The following PCCA variants were observed in gnomAD, a reference collection of about 807,000 sequenced individuals.
PCCA encodes the protein propionyl-CoA carboxylase alpha chain, mitochondrial.
In PCCA, 74 loss-of-function variants were observed where a neutral mutation model predicts 101.3. The ratio of observed to expected loss-of-function variants is 0.73; its 90% CI spans 0.61 to 0.89. PCCA has a LOEUF of 0.89. Ranked by LOEUF, PCCA falls within the 40% of genes least tolerant of loss-of-function variation. PCCA has a pLI of 0.00. For missense variants in PCCA, 891 were observed against 907.0 expected (o/e 0.98, Z 0.23); for synonymous variants, 294 against 313.6 (o/e 0.94, Z 0.66).
intron 20 of PCCA, among the ~76,000 whole-genome samples, chr13:100,434,452 G>A (rs1406588193): frequency 6.6e-6 from 1 of 152,176 alleles, no homozygotes; most frequent in Admixed American, 6.5e-5. Flanking sequence ...AGAAGAGCAT[G>A]GCAGGAAGAA....
chr13:100,278,838 T>C (rs2063861472), intron 12 of PCCA, among the ~76,000 whole-genome samples: 1 of 152,184 alleles, frequency 6.6e-6, no homozygotes, highest in Admixed American at 6.5e-5. Flanking sequence ...TAAGTACCTA[T>C]GTTTTGTGTA....
chr13:100,463,709 C>A (rs998138122), intron 21 of PCCA, among the ~76,000 whole-genome samples: 1 of 152,292 alleles, frequency 6.6e-6, no homozygotes, highest in South Asian at 2.1e-4. Flanking sequence ...AGTAGATGAA[C>A]CTGCCAAAGG....
intron 2 of PCCA, among the ~76,000 whole-genome samples, chr13:100,108,548 T>C (rs2048020531): frequency 6.6e-6 from 1 of 152,188 alleles, no homozygotes; most frequent in African/African-American, 2.4e-5. Flanking sequence ...AGTTGCTTAG[T>C]GCTACCCTCT....
At chr13:100,251,867 A>G (rs1357484422) in intron 8 of PCCA, among the ~76,000 whole-genome samples, 3 of 152,234 alleles carry the variant, frequency 2.0e-5, no homozygotes, top group African/African-American at 4.8e-5. Flanking sequence ...ATAATCAGGT[A>G]TATTCAAATT....
intron 7 of PCCA, among the ~76,000 whole-genome samples, chr13:100,231,633 G>A (rs2060477392): frequency 1.3e-5 from 2 of 152,186 alleles, no homozygotes; most frequent in Non-Finnish European, 2.9e-5. Context: ...TATGAAGTAT[G>A]AAATTATGAT....
chr13:100,155,170 AAAAT>A (rs2053751222), intron 5 of PCCA, 78 bp downstream of exon 5: 1 of 968,898 alleles, frequency 1.0e-6, no homozygotes, highest in African/African-American at 1.6e-5. Flanking sequence ...TTTAAAAAAA[AAAAT>A]AGGAAAGAAT....
chr13:100,482,882 C>T (rs1376036690), intron 21 of PCCA, among the ~76,000 whole-genome samples: 2 of 152,204 alleles, frequency 1.3e-5, no homozygotes, highest in African/African-American at 4.8e-5. Context: ...GTCGTGGGCA[C>T]AAGTTGATTT....
chr13:100,408,117 A>G (rs2152865072), intron 19 of PCCA, among the ~76,000 whole-genome samples: 1 of 152,306 alleles, frequency 6.6e-6, no homozygotes, highest in South Asian at 2.1e-4. Flanking sequence ...GCACGACTGC[A>G]CTCCAGCCTG....
At chr13:100,318,659 A>G (rs1490353639) in intron 16 of PCCA, among the ~76,000 whole-genome samples, 2 of 151,710 alleles carry the variant, frequency 1.3e-5, no homozygotes, top group African/African-American at 4.8e-5. Flanking sequence ...AAGGACATGA[A>G]CTCATCATTT....
At position 100,484,869 on chromosome 13, in the gene PCCA, A is replaced by C. The variant is rs58759455; in HGVS notation, c.1900-30558A>C. Among the ~76,000 whole-genome samples, 1,354 of 152,272 alleles carry C rather than the reference A, an allele frequency of 8.9e-3. 19 individuals are homozygous for C. The highest frequency in any genetic ancestry group is 0.031 in the African/African-American group (1,282 of 41,550). On this transcript the variant is annotated intron_variant, in intron 21 of 23. Coordinates refer to ENST00000376285, the MANE Select transcript of PCCA (RefSeq NM_000282.4). ...CACCTCGGTAGGAGCCACTGCTGTG[A>C]ACTCTTTTGCAAGTTCTGGTGGTGA... is the stretch of plus-strand genomic sequence containing the variant.
chr13:100,301,631 A>C (rs1408396555), intron 13 of PCCA, 28 bp downstream of exon 13: 1 of 1,613,544 alleles, frequency 6.2e-7, no homozygotes, highest in East Asian at 2.2e-5. Context: ...GGGAGGAAGG[A>C]TGGTGGTTAT....
At chr13:100,309,729 A>G (rs1050615692) in intron 15 of PCCA, 104 bp from the exon 16 acceptor site, 3 of 745,584 alleles carry the variant, frequency 4.0e-6, no homozygotes, top group Non-Finnish European at 6.6e-6. Context: ...TTCGAGATAT[A>G]TTTAGAAATC....
chr13:100,327,361 A>G (rs142909719), intron 16 of PCCA, among the ~76,000 whole-genome samples: 2,128 of 152,252 alleles, frequency 0.014, 46 homozygotes, highest in African/African-American at 0.049. Flanking sequence ...TTAACTCAGC[A>G]TAATTATTTT....
intron 16 of PCCA, 94 bp from the exon 17 acceptor site, chr13:100,330,467 G>T: frequency 1.3e-6 from 1 of 768,036 alleles, no homozygotes; most frequent in South Asian, 1.4e-5. Context: ...TTTCTGCTAG[G>T]TCATAGAACA....
At chr13:100,139,090 C>A (rs1385165801) in intron 4 of PCCA, among the ~76,000 whole-genome samples, 1 of 151,950 alleles carries the variant, frequency 6.6e-6, no homozygotes, top group South Asian at 2.1e-4. Context: ...GTCTTTGTGG[C>A]TTCTGATGTG....
At chr13:100,406,523 G>A (rs141503361) in intron 19 of PCCA, among the ~76,000 whole-genome samples, 197 of 152,270 alleles carry the variant, frequency 1.3e-3, no homozygotes, top group African/African-American at 4.4e-3. Flanking sequence ...TGACCAACAC[G>A]GAGAAACCCC....
intron 11 of PCCA, among the ~76,000 whole-genome samples, chr13:100,269,027 T>A (rs2063129710): frequency 6.6e-6 from 1 of 152,130 alleles, no homozygotes; most frequent in African/African-American, 2.4e-5. Flanking sequence ...TTTTTGTGTT[T>A]TGTAGAGATG....
At chr13:100,269,191 C>G (rs182713870) in intron 11 of PCCA, among the ~76,000 whole-genome samples, 1 of 152,262 alleles carries the variant, frequency 6.6e-6, no homozygotes. Flanking sequence ...TACAATTGCA[C>G]TAATGTTCAT....
intron 4 of PCCA, among the ~76,000 whole-genome samples, chr13:100,143,122 C>T (rs1419286340): frequency 2.0e-5 from 3 of 152,156 alleles, no homozygotes; most frequent in African/African-American, 7.2e-5. Flanking sequence ...CTCTTATACT[C>T]TGTAAACTAA....
Sources: gnomAD v4.1 joint callset for allele counts (sites outside exome capture counted in the v4.1 genomes callset) on GRCh38, gnomAD v4.1.1 for gene constraint, MANE v1.5 for transcripts, NCBI Gene and HGNC (gene_info 2026-07-23, HGNC 2026-07-21) for gene names.